PIP5K1B: variants seen among roughly 807,000 people sequenced by gnomAD.
The protein encoded by PIP5K1B is phosphatidylinositol 4-phosphate 5-kinase type-1 beta.
Under a neutral mutation model 67.0 loss-of-function variants are expected in PIP5K1B, and 42 were observed. The ratio of observed to expected loss-of-function variants is 0.63; its 90% CI spans 0.49 to 0.81. PIP5K1B has a LOEUF of 0.81. Among genes scored for constraint, PIP5K1B ranks in the 30% least tolerant of loss-of-function variants. The pLI, the probability that PIP5K1B is intolerant of heterozygous loss-of-function variation, is 0.00. For missense variants in PIP5K1B, 459 were observed against 646.3 expected (o/e 0.71, Z 3.14); for synonymous variants, 214 against 231.4 (o/e 0.92, Z 0.68).
chr9:68,709,519 C>A (rs1310745231), intron 1 of PIP5K1B, among the ~76,000 whole-genome samples: 2 of 152,180 alleles, frequency 1.3e-5, no homozygotes, highest in Non-Finnish European at 1.5e-5. Flanking sequence ...AGGTGTGAGA[C>A]CCTGTGCTCG....
chr9:68,868,521 G>A lies in PIP5K1B; in HGVS notation c.200+4554G>A, dbSNP rs192500225. ...TGGTAAAGCCGAGATTTTAACTCAGGGTTAGCTGGCCCCAAAGTTTTGTTT... is the reference window on the plus strand; with the variant it reads ...TGGTAAAGCCGAGATTTTAACTCAGAGTTAGCTGGCCCCAAAGTTTTGTTT... On this transcript the variant is annotated intron_variant, in intron 5 of 15. Coordinates refer to ENST00000265382, the MANE Select transcript of PIP5K1B (RefSeq NM_003558.4). Among the ~76,000 whole-genome samples the A allele has an allele frequency of 7.9e-5, 12 of 152,274 alleles. No individual in the cohort carries two copies. In the East Asian group the frequency reaches 2.1e-3, roughly 27 times the overall value.
At chr9:69,004,735 A>G (rs1245214124) in intron 15 of PIP5K1B, among the ~76,000 whole-genome samples, 1 of 152,194 alleles carries the variant, frequency 6.6e-6, no homozygotes, top group African/African-American at 2.4e-5. Flanking sequence ...TCCAGGGTAG[A>G]GAACTGATGT....
At chr9:68,846,471 G>T (rs995439540) in intron 4 of PIP5K1B, among the ~76,000 whole-genome samples, 1 of 152,148 alleles carries the variant, frequency 6.6e-6, no homozygotes, top group Non-Finnish European at 1.5e-5. Flanking sequence ...ATCCCTTCTT[G>T]ATGTCATTCC....
chr9:68,767,216 C>T (rs889911492), intron 2 of PIP5K1B, among the ~76,000 whole-genome samples: 2 of 152,228 alleles, frequency 1.3e-5, no homozygotes, highest in African/African-American at 4.8e-5. Flanking sequence ...ACAAAGATAG[C>T]TGGCATGGGC....
At chr9:68,994,528 G>A (rs1273197278) in intron 15 of PIP5K1B, among the ~76,000 whole-genome samples, 1 of 152,132 alleles carries the variant, frequency 6.6e-6, no homozygotes, top group Admixed American at 6.6e-5. Flanking sequence ...ATCTGTTTCT[G>A]TATCTGTCTT....
At chr9:68,986,461 G>T (rs558453830) in intron 14 of PIP5K1B, among the ~76,000 whole-genome samples, 1 of 151,906 alleles carries the variant, frequency 6.6e-6, no homozygotes, top group African/African-American at 2.4e-5. Context: ...TAAGTTATAA[G>T]AGTTCTTTAT....
chr9:68,752,061 T>A (rs1460763973), intron 2 of PIP5K1B, among the ~76,000 whole-genome samples: 1 of 152,208 alleles, frequency 6.6e-6, no homozygotes, highest in Non-Finnish European at 1.5e-5. Context: ...AGGTTTTATA[T>A]TTCAGTATAT....
chr9:68,800,193 G>C (rs940625338), intron 2 of PIP5K1B, among the ~76,000 whole-genome samples: 1 of 152,194 alleles, frequency 6.6e-6, no homozygotes, highest in African/African-American at 2.4e-5. Context: ...CCTGTGGGCA[G>C]CAGGTGCCCG....
intron 2 of PIP5K1B, among the ~76,000 whole-genome samples, chr9:68,764,508 A>G (rs1830338400): frequency 6.6e-6 from 1 of 152,106 alleles, no homozygotes; most frequent in South Asian, 2.1e-4. Flanking sequence ...TTGTATAATA[A>G]TAAGCTTAAC....
chr9:68,799,520 T>C (rs572688534), intron 2 of PIP5K1B, among the ~76,000 whole-genome samples: 41 of 151,806 alleles, frequency 2.7e-4, no homozygotes, highest in African/African-American at 9.2e-4. Flanking sequence ...AACAAAAGAG[T>C]ATGGCACTCT....
intron 14 of PIP5K1B, among the ~76,000 whole-genome samples, chr9:68,984,436 T>C (rs937587745): frequency 4.6e-5 from 7 of 152,210 alleles, no homozygotes; most frequent in Non-Finnish European, 8.8e-5. Context: ...GGATAACAAA[T>C]AGAAAGATTA....
intron 2 of PIP5K1B, among the ~76,000 whole-genome samples, chr9:68,773,751 C>T (rs1830775160): frequency 2.0e-5 from 3 of 152,280 alleles, no homozygotes; most frequent in East Asian, 1.9e-4. Flanking sequence ...CTAATCTTTG[C>T]TGTTGCTCTG....
At position 68,894,553 on chromosome 9, in the gene PIP5K1B, A is replaced by C; in HGVS notation, c.686A>C (p.Asp229Ala). Reference protein sequence around the residue: ...EKSNPTFKDLDFLQDMHEGLY... With the variant: ...EKSNPTFKDLAFLQDMHEGLY... Reference sequence around the variant, plus strand: ...TCCAACCCCACATTTAAGGACTTAGATTTCCTGCAAGACATGCACGAAGGG... The same window carrying C: ...TCCAACCCCACATTTAAGGACTTAGCTTTCCTGCAAGACATGCACGAAGGG... The change falls in exon 8 of 16, where the codon GAT (aspartate) becomes GCT (alanine). Residue 229 changes from aspartate (D) to alanine (A), a missense_variant. Physicochemically the swap from Asp to Ala is moderately radical, Grantham distance 126. Coordinates refer to ENST00000265382, the MANE Select transcript of PIP5K1B (RefSeq NM_003558.4). 6.2e-7 allele frequency: 1 copy of C among 1,614,136 alleles called. No homozygotes were observed. The highest frequency in any genetic ancestry group is 8.5e-7 in the Non-Finnish European group (1 of 1,179,982).
intron 14 of PIP5K1B, among the ~76,000 whole-genome samples, chr9:68,952,267 T>G: frequency 6.6e-6 from 1 of 152,250 alleles, no homozygotes; most frequent in East Asian, 1.9e-4. Flanking sequence ...TCATTTCTTC[T>G]CAAACCATTT....
At chr9:68,740,682 T>C (rs1031999439) in intron 1 of PIP5K1B, among the ~76,000 whole-genome samples, 1 of 152,238 alleles carries the variant, frequency 6.6e-6, no homozygotes, top group African/African-American at 2.4e-5. Flanking sequence ...AATTATGATA[T>C]GCTTCAAAGG....
chr9:69,006,483 A>G (rs1831085618), intron 15 of PIP5K1B, among the ~76,000 whole-genome samples: 2 of 152,188 alleles, frequency 1.3e-5, no homozygotes, highest in African/African-American at 4.8e-5. Flanking sequence ...CTGTGCCACT[A>G]TTGCTGGTGA....
At chr9:68,839,510 C>A (rs1351918001) in intron 4 of PIP5K1B, among the ~76,000 whole-genome samples, 1 of 152,046 alleles carries the variant, frequency 6.6e-6, no homozygotes, top group Non-Finnish European at 1.5e-5. Context: ...CCCTTAAACA[C>A]CCTGTGGATT....
At chr9:68,781,116 G>C in intron 2 of PIP5K1B, 1 of 1,486,904 alleles carries the variant, frequency 6.7e-7, no homozygotes, top group Non-Finnish European at 9.0e-7. Flanking sequence ...TTAATTTGAG[G>C]CTATTTCCTA....
intron 2 of PIP5K1B, among the ~76,000 whole-genome samples, chr9:68,778,989 T>C (rs1831070227): frequency 6.6e-6 from 1 of 152,190 alleles, no homozygotes; most frequent in Non-Finnish European, 1.5e-5. Flanking sequence ...TCAGTAGTGC[T>C]CCATCACACC....
Sources: allele counts gnomAD v4.1 joint callset (sites outside exome capture counted in the v4.1 genomes callset), GRCh38; gene constraint gnomAD v4.1.1; transcripts MANE v1.5; gene names NCBI Gene and HGNC (gene_info 2026-07-23, HGNC 2026-07-21).